The following RSC1A1 variants were observed in gnomAD, a reference collection of about 807,000 sequenced individuals.
RSC1A1 encodes the protein regulatory solute carrier protein family 1 member 1.
Under a neutral mutation model 7.7 loss-of-function variants are expected in RSC1A1, and 6 were observed. The ratio of observed to expected loss-of-function variants is 0.78; its 90% CI spans 0.43 to 1.53. The LOEUF (loss-of-function observed/expected upper bound fraction) is 1.53. RSC1A1 is among the 40% of genes most tolerant of loss of function. The pLI, the probability that RSC1A1 is intolerant of heterozygous loss-of-function variation, is 0.01. For synonymous variants in RSC1A1, 250 were observed against 263.0 expected (o/e 0.95, Z 0.48); for missense variants, 729 against 726.3 (o/e 1.00, Z -0.04).
rs761105934 is a variant in RSC1A1, at chr1:15,661,565, T to TTCTTCCACCATTGATTTTTCCTGCCAC, written c.1698_1724dup (p.Leu567_Thr575dup). ...AGCCATCCATCATCAAGTCCTGCCATTCTTCCACCATTGATTTTTCCTGCC... is the reference window on the plus strand; with the variant it reads ...AGCCATCCATCATCAAGTCCTGCCATTCTTCCACCATTGATTTTTCCTGCCACTCTTCCACCATTGATTTTTCCTGCC... On this transcript the variant is annotated inframe_insertion, in exon 1 of 1. Transcript: ENST00000345034. 1.1e-5 allele frequency: 18 copies of TTCTTCCACCATTGATTTTTCCTGCCAC among 1,614,096 alleles called. No individual in the cohort carries two copies. The South Asian group carries it at 2.0e-4, about 18-fold the overall frequency.
Position 15,660,148 on chromosome 1 carries a change from G to A in RSC1A1, c.280G>A (p.Ala94Thr). 1 of 1,614,192 alleles carries A rather than the reference G, an allele frequency of 6.2e-7. No homozygotes were observed. Among genetic ancestry groups the A allele is most frequent in the Non-Finnish European group, 8.5e-7 (1 of 1,180,032 alleles). The change falls in exon 1 of 1, where the codon GCT becomes ACT. Residue 94 changes from alanine (A) to threonine (T), a missense_variant. Coordinates refer to ENST00000345034, the MANE Select transcript of RSC1A1 (RefSeq NM_006511.3). ...ADHAPTDQSPAMPMQNSSEEI... is the reference protein window; with the variant it reads ...ADHAPTDQSPTMPMQNSSEEI... ...CCATGCTCCAACAGACCAGAGTCCA[G>A]CTATGCCTATGCAGAATTCATCCGA...
At position 15,661,098 on chromosome 1, in the gene RSC1A1, G is replaced by A. The variant is rs1640366767; in HGVS notation, c.1230G>A (p.Gln410=). ...ATGAGCATCTTACCCAGAATGAACA[G>A]TGTCCACAAGTCTCCTTTCATCAGG... ...TQNEHLTQNE[Q]CPQVSFHQAI... is the part of the protein sequence containing the mutation. Residue 410 remains glutamine, a synonymous_variant, in exon 1 of 1, where the codon CAG becomes CAA. Coordinates refer to ENST00000345034, the MANE Select transcript of RSC1A1 (RefSeq NM_006511.3). The A allele has an allele frequency of 1.2e-6, 2 of 1,613,850 alleles. No homozygotes were observed. The highest frequency in any genetic ancestry group is 2.2e-5 in the South Asian group (2 of 91,024).
In RSC1A1 at chr1:15,660,110, C is replaced by A. The variant is rs1339774685; in HGVS notation, c.242C>A (p.Ala81Asp). 2 of 1,614,164 alleles carry A rather than the reference C, an allele frequency of 1.2e-6. No homozygotes were observed. Among genetic ancestry groups the A allele is most frequent in the Admixed American group, 3.3e-5 (2 of 60,008 alleles). Reference protein sequence around the residue: ...HLSLQDLSDHASSADHAPTDQ... With the variant: ...HLSLQDLSDHDSSADHAPTDQ... The stretch of plus-strand genomic sequence containing the variant: ...TCTTTACAAGATCTTTCTGATCATG[C>A]TTCCTCAGCAGACCATGCTCCAACA... Residue 81 changes from alanine (A) to aspartate (D), a missense_variant, in exon 1 of 1, where the codon GCT becomes GAT. Coordinates refer to ENST00000345034, the MANE Select transcript of RSC1A1 (RefSeq NM_006511.3).
rs777034689 is a variant in RSC1A1, at chr1:15,661,233, C to G, written c.1365C>G (p.Thr455=). 2 of 1,613,982 alleles carry G rather than the reference C, an allele frequency of 1.2e-6. No individual in the cohort carries two copies. The highest frequency in any genetic ancestry group is 1.3e-5 in the African/African-American group (1 of 74,908). The change falls in exon 1 of 1, where the codon ACC becomes ACG. Residue 455 remains threonine, a synonymous_variant. Transcript: ENST00000345034. ...NFRSLGDGLS[T]DKEGVPKSRE... The stretch of plus-strand genomic sequence containing the variant: ...GGAGTCTAGGTGATGGCCTGTCAAC[C>G]GATAAGGAAGGTGTCCCCAAATCTA...
chr1:15,661,962 A>T lies in RSC1A1; in HGVS notation c.*240A>T, dbSNP rs1043256565. ...AGGCCTTTTTAAATGTATTGGCAGT[A>T]TGTGCATACAGAAGCTTTTTATTCT... On this transcript the variant is annotated 3_prime_UTR_variant, in exon 1 of 1. Transcript: ENST00000345034. 2.5e-5 allele frequency: 11 copies of T among 448,420 alleles called. No individual in the cohort carries two copies. Among genetic ancestry groups the T allele is most frequent in the African/African-American group, 2.2e-4 (11 of 49,972 alleles). 27.8% of individuals were successfully genotyped at this position (448,420 alleles called of 1,614,324 possible). A position where few individuals can be genotyped will look rare whatever the true frequency, so the allele number is the denominator to read the frequency against.
Position 15,661,852 on chromosome 1 carries a change from CAGATTTTTTTTAA to C in RSC1A1, c.*141_*153del. On this transcript the variant is annotated 3_prime_UTR_variant, in exon 1 of 1. Transcript: ENST00000345034. ...GAAACCTGCAAGCAGAATGTTGAGC[CAGATTTTTTTTAA>C]AGATTTTTTTCGGCCAAAGTAATTT... 1.6e-6 allele frequency: 2 copies of C among 1,261,012 alleles called. No individual in the cohort carries two copies. Among genetic ancestry groups the C allele is most frequent in the Non-Finnish European group, 2.0e-6 (2 of 976,464 alleles). 78.1% of individuals were successfully genotyped at this position (1,261,012 alleles called of 1,614,324 possible). A position where few individuals can be genotyped will look rare whatever the true frequency, so the allele number is the denominator to read the frequency against.
the RSC1A1 span, chr1:15,660,475 C>T: frequency 6.2e-7 from 1 of 1,613,932 alleles, no homozygotes; most frequent in Non-Finnish European, 8.5e-7. Context: ...TGAAGAAAGG[C>T]AACAGAATCA....
chr1:15,661,096 C>T, the RSC1A1 span: 11 of 1,613,906 alleles, frequency 6.8e-6, no homozygotes, highest in Non-Finnish European at 9.3e-6. Flanking sequence ...CCAGAATGAA[C>T]AGTGTCCACA....
rs1297750491 is a variant in RSC1A1 at position 15,660,025 on chromosome 1, G to C, written c.157G>C (p.Val53Leu). The change falls in exon 1 of 1, where the codon GTG becomes CTG. Residue 53 changes from valine (V) to leucine (L), a missense_variant. Val to Leu is a conservative substitution (Grantham distance 32). Coordinates refer to ENST00000345034, the MANE Select transcript of RSC1A1 (RefSeq NM_006511.3). ...CTCAGATCGCATTGAACCTAAAGCTGTGAAGGCTTTGAAGGCTTCAGCTGA... is the reference window on the plus strand; with the variant it reads ...CTCAGATCGCATTGAACCTAAAGCTCTGAAGGCTTTGAAGGCTTCAGCTGA... ...SDSDRIEPKAVKALKASAEFQ... is the reference protein window; with the variant it reads ...SDSDRIEPKALKALKASAEFQ... The C allele has an allele frequency of 6.2e-7, 1 of 1,614,166 alleles. No individual in the cohort carries two copies. The highest frequency in any genetic ancestry group is 8.5e-7 in the Non-Finnish European group (1 of 1,180,032).
Position 15,659,933 on chromosome 1 carries a change from A to G in RSC1A1, c.65A>G (p.Asp22Gly). The change falls in exon 1 of 1, where the codon GAT becomes GGT. Residue 22 changes from aspartate to glycine, a missense_variant. By Grantham distance (94) the Asp-to-Gly change is moderately conservative. Transcript: ENST00000345034. ...HPARSSGQSP[D>G]VGNPMSLARS... ...GCCCGTTCTTCAGGACAGAGTCCTG[A>G]TGTTGGTAATCCTATGAGTCTTGCT... 1 of 1,613,504 alleles carries G rather than the reference A, an allele frequency of 6.2e-7. No individual in the cohort carries two copies. The highest frequency in any genetic ancestry group is 8.5e-7 in the Non-Finnish European group (1 of 1,179,818).
Position 15,660,597 on chromosome 1 carries a change from A to G in RSC1A1, c.729A>G (p.Ser243=), listed in dbSNP as rs1467782440. ...CATCTTCAGAATGCAGTGGCTGCTC[A>G]AATTCAGAAACATTTATGGAAATCG... ...SIPSSECSGC[S]NSETFMEIDT... The change falls in exon 1 of 1, where the codon TCA becomes TCG. Residue 243 remains serine (S), a synonymous_variant. Transcript: ENST00000345034. The G allele has an allele frequency of 6.2e-6, 10 of 1,613,898 alleles. 1 individual carries two copies. Among genetic ancestry groups the G allele is most frequent in the Non-Finnish European group, 8.5e-6 (10 of 1,180,004 alleles).
rs767055473 is a variant in RSC1A1, at chr1:15,660,048, T to C, written c.180T>C (p.Ala60=). The change falls in exon 1 of 1, where the codon GCT becomes GCC. Residue 60 remains alanine (A), a synonymous_variant. Transcript: ENST00000345034. ...PKAVKALKAS[A]EFQLNSEKKE... Reference sequence around the variant, plus strand: ...CTGTGAAGGCTTTGAAGGCTTCAGCTGAATTCCAGCTAAACTCTGAAAAGA... The same window carrying C: ...CTGTGAAGGCTTTGAAGGCTTCAGCCGAATTCCAGCTAAACTCTGAAAAGA... The C allele has an allele frequency of 1.9e-6, 3 of 1,614,046 alleles. No individual in the cohort carries two copies. The highest frequency in any genetic ancestry group is 2.2e-5 in the East Asian group (1 of 44,884).
Position 15,660,320 on chromosome 1 carries a change from A to T in RSC1A1, c.452A>T (p.Asp151Val). Reference sequence around the variant, plus strand: ...CCACAGATGTTTCTAGGTGAAAAGGATTGGCATCCAGAAAATCAGAACCTG... The same window carrying T: ...CCACAGATGTTTCTAGGTGAAAAGGTTTGGCATCCAGAAAATCAGAACCTG... ...HEPQMFLGEKDWHPENQNLSQ... is the reference protein window; with the variant it reads ...HEPQMFLGEKVWHPENQNLSQ... Residue 151 changes from aspartate (D) to valine (V), a missense_variant, in exon 1 of 1, where the codon GAT (aspartate) becomes GTT (valine). Asp to Val is a radical substitution (Grantham distance 152). Transcript: ENST00000345034. 6.2e-7 allele frequency: 1 copy of T among 1,614,158 alleles called. No individual in the cohort carries two copies. The highest frequency in any genetic ancestry group is 8.5e-7 in the Non-Finnish European group (1 of 1,180,034).
At position 15,660,670 on chromosome 1, in the gene RSC1A1, C is replaced by G; in HGVS notation, c.802C>G (p.Gln268Glu). 1 of 1,614,168 alleles carries G rather than the reference C, an allele frequency of 6.2e-7. No individual in the cohort carries two copies. The highest frequency in any genetic ancestry group is 1.6e-4 in the Middle Eastern group (1 of 6,062). Reference protein sequence around the residue: ...LVTLLNSTGRQNANVKNIGAL... With the variant: ...LVTLLNSTGRENANVKNIGAL... ...TACTTTGCTTAATTCAACAGGCAGG[C>G]AGAATGCCAATGTCAAGAACATTGG... Residue 268 changes from glutamine to glutamate, a missense_variant, in exon 1 of 1, where the codon CAG becomes GAG. By Grantham distance (29) the Gln-to-Glu change is conservative (BLOSUM62 2). Transcript: ENST00000345034.
In RSC1A1 at chr1:15,661,361, C is replaced by T. The variant is rs565993119; in HGVS notation, c.1493C>T (p.Ala498Val). ...LGVEISPKLL[A>V]GEEDALNQTS... ...GTAGAAATTTCACCCAAACTTTTAG[C>T]AGGTGAGGAGGATGCACTCAATCAG... Residue 498 changes from alanine (A) to valine (V), a missense_variant, in exon 1 of 1, where the codon GCA becomes GTA. Ala to Val is a moderately conservative substitution (Grantham distance 64, BLOSUM62 0). Transcript: ENST00000345034. The T allele has an allele frequency of 6.2e-7, 1 of 1,614,072 alleles. No homozygotes were observed. The highest frequency in any genetic ancestry group is 1.1e-5 in the South Asian group (1 of 91,060).
chr1:15,660,749 G>T lies in RSC1A1; in HGVS notation c.881G>T (p.Cys294Phe). 6.2e-7 allele frequency: 1 copy of T among 1,613,806 alleles called. No individual in the cohort carries two copies. The highest frequency in any genetic ancestry group is 8.5e-7 in the Non-Finnish European group (1 of 1,179,956). ...NPLMEVETSKCNPSSEILNDS... is the reference protein window; with the variant it reads ...NPLMEVETSKFNPSSEILNDS... ...TTGATGGAAGTAGAAACATCAAAATGTAACCCTTCATCTGAAATTTTGAAT... is the reference window on the plus strand; with the variant it reads ...TTGATGGAAGTAGAAACATCAAAATTTAACCCTTCATCTGAAATTTTGAAT... The change falls in exon 1 of 1, where the codon TGT becomes TTT. Residue 294 changes from cysteine to phenylalanine, a missense_variant. Coordinates refer to ENST00000345034, the MANE Select transcript of RSC1A1 (RefSeq NM_006511.3).
In RSC1A1 at chr1:15,660,774, T is replaced by C. The variant is rs746028414; in HGVS notation, c.906T>C (p.Asn302=). ...SKCNPSSEIL[N]DSISTQDLQP... The stretch of plus-strand genomic sequence containing the variant: ...GTAACCCTTCATCTGAAATTTTGAA[T>C]GATTCCATTTCCACTCAGGATTTAC... The change falls in exon 1 of 1, where the codon AAT becomes AAC. Residue 302 remains asparagine, a synonymous_variant. Transcript: ENST00000345034. 1.2e-6 allele frequency: 2 copies of C among 1,613,924 alleles called. No homozygotes were observed. Among genetic ancestry groups the C allele is most frequent in the African/African-American group, 2.7e-5 (2 of 75,024 alleles).
In RSC1A1 at chr1:15,659,969, C is replaced by G. The variant is rs1284622765; in HGVS notation, c.101C>G (p.Ser34Cys). The change falls in exon 1 of 1, where the codon TCT (serine) becomes TGT (cysteine). Residue 34 changes from serine (S) to cysteine (C), a missense_variant. Physicochemically the swap from Ser to Cys is moderately radical, Grantham distance 112. Coordinates refer to ENST00000345034, the MANE Select transcript of RSC1A1 (RefSeq NM_006511.3). ...CCTATGAGTCTTGCTCGCTCTGTCT[C>G]TGCTTCAGTCTGCCCTATCAAGCCC... Reference protein sequence around the residue: ...GNPMSLARSVSASVCPIKPSD... With the variant: ...GNPMSLARSVCASVCPIKPSD... 1 of 1,614,214 alleles carries G rather than the reference C, an allele frequency of 6.2e-7. No homozygotes were observed. Among genetic ancestry groups the G allele is most frequent in the Admixed American group, 1.7e-5 (1 of 60,018 alleles).
chr1:15,661,723 CTG>C lies in RSC1A1; in HGVS notation c.*4_*5del, dbSNP rs758490787. 1.9e-6 allele frequency: 3 copies of C among 1,603,120 alleles called. No individual in the cohort carries two copies. The highest frequency in any genetic ancestry group is 2.6e-6 in the Non-Finnish European group (3 of 1,173,642). On this transcript the variant is annotated 3_prime_UTR_variant, in exon 1 of 1. Transcript: ENST00000345034. ...AAAAAACATCGTAGTTCCTACATGA[CTG>C]TGGGAAAGTGGGCTAGACCGTTCTC...
Sources: allele counts gnomAD v4.1 joint callset, GRCh38; gene constraint gnomAD v4.1.1; transcripts MANE v1.5; gene names NCBI Gene and HGNC (gene_info 2026-07-23, HGNC 2026-07-21).